The following SMC5 variants were observed in gnomAD, a reference collection of about 807,000 sequenced individuals.
The protein encoded by SMC5 is structural maintenance of chromosomes protein 5.
Under a neutral mutation model 148.3 loss-of-function variants are expected in SMC5, and 88 were observed. The observed-to-expected ratio is 0.59, with a 90% CI of 0.50 to 0.71. The LOEUF (loss-of-function observed/expected upper bound fraction) is 0.71. Among genes scored for constraint, SMC5 ranks in the 30% least tolerant of loss-of-function variants. The pLI is 0.00. For missense variants in SMC5, 1,142 were observed against 1,298.9 expected, an observed-to-expected ratio of 0.88 and a Z score of 1.86; for synonymous variants, 421 against 432.8, an observed-to-expected ratio of 0.97 and a Z score of 0.34.
intron 22 of SMC5, among the ~76,000 whole-genome samples, 163 bp from the exon 23 acceptor site, chr9:70,349,951 A>C (rs2036763651): frequency 6.6e-6 from 1 of 152,186 alleles, no homozygotes. Flanking sequence ...CTTAATATTT[A>C]TTATTTTTAA....
chr9:70,260,295 C>T (rs1587606909), intron 1 of SMC5, among the ~76,000 whole-genome samples: 1 of 152,218 alleles, frequency 6.6e-6, no homozygotes, highest in African/African-American at 2.4e-5. Context: ...TTAGTAGACT[C>T]GCGGTTTCAC....
intron 11 of SMC5, among the ~76,000 whole-genome samples, chr9:70,310,178 A>T (rs1390687944): frequency 6.6e-6 from 1 of 152,102 alleles, no homozygotes; most frequent in African/African-American, 2.4e-5. Flanking sequence ...CTTTTTGTTT[A>T]CTTTGCCCAG....
chr9:70,313,780 G>A (rs1428408217), intron 11 of SMC5, among the ~76,000 whole-genome samples: 5 of 152,124 alleles, frequency 3.3e-5, no homozygotes, highest in Admixed American at 3.3e-4. Flanking sequence ...GATTACAGGT[G>A]TAAGCCACAG....
intron 17 of SMC5, among the ~76,000 whole-genome samples, chr9:70,334,425 A>G (rs1170747978): frequency 6.6e-6 from 1 of 152,220 alleles, no homozygotes; most frequent in African/African-American, 2.4e-5. Flanking sequence ...ATCAAAATGA[A>G]CAACTTTTGT....
intron 3 of SMC5, among the ~76,000 whole-genome samples, chr9:70,270,440 T>C (rs1317000976): frequency 6.6e-6 from 1 of 152,100 alleles, no homozygotes; most frequent in Non-Finnish European, 1.5e-5. Context: ...TCTCTAGCCC[T>C]GCTTCCCTTC....
chr9:70,273,261 T>A (rs2034500197), intron 3 of SMC5, among the ~76,000 whole-genome samples: 1 of 151,880 alleles, frequency 6.6e-6, no homozygotes, highest in African/African-American at 2.4e-5. Context: ...AGTAATCGGT[T>A]GCTTAGATTT....
Position 70,338,536 on chromosome 9 carries a change from G to A in SMC5, c.2398-5608G>A, listed in dbSNP as rs2036427118. Among the ~76,000 whole-genome samples, 5 of 151,754 alleles carry A rather than the reference G, an allele frequency of 3.3e-5. No individual in the cohort carries two copies. In the South Asian group the frequency reaches 1.0e-3, roughly 32 times the overall value. On this transcript the variant is annotated intron_variant, in intron 17 of 24. Coordinates refer to ENST00000361138, the MANE Select transcript of SMC5 (RefSeq NM_015110.4). ...GTTTAACTGCCAGAAAAAAAAAATTGTGCTGATTTTTATATTCTGCTGCAG... is the reference window on the plus strand; with the variant it reads ...GTTTAACTGCCAGAAAAAAAAAATTATGCTGATTTTTATATTCTGCTGCAG...
At chr9:70,318,135 C>G (rs1587686717) in intron 13 of SMC5, among the ~76,000 whole-genome samples, 2 of 152,168 alleles carry the variant, frequency 1.3e-5, no homozygotes, top group East Asian at 3.9e-4. Context: ...GTAATCCCAG[C>G]ACTTTGGAAG....
chr9:70,324,493 A>C (rs1323219288), intron 17 of SMC5, among the ~76,000 whole-genome samples: 2 of 152,304 alleles, frequency 1.3e-5, no homozygotes, highest in Admixed American at 1.3e-4. Flanking sequence ...ATCTTTTCCC[A>C]AAAACAGAAG....
Position 70,324,052 on chromosome 9 carries a change from A to G in SMC5, c.2306A>G (p.Asp769Gly). ...ICTSLHIQKV[D>G]LILQNTTVIS... Reference sequence around the variant, plus strand: ...ACTTCTTTGCATATACAAAAAGTAGATTTAATTCTCCAAAATACTACAGTG... The same window carrying G: ...ACTTCTTTGCATATACAAAAAGTAGGTTTAATTCTCCAAAATACTACAGTG... The change falls in exon 17 of 25, where the codon GAT (aspartate) becomes GGT (glycine). Residue 769 changes from aspartate (D) to glycine (G), a missense_variant. Physicochemically the swap from Asp to Gly is moderately conservative, Grantham distance 94. Transcript: ENST00000361138. The G allele has an allele frequency of 6.3e-7, 1 of 1,587,020 alleles. No homozygotes were observed. Among genetic ancestry groups the G allele is most frequent in the Non-Finnish European group, 8.5e-7 (1 of 1,172,802 alleles).
At chr9:70,347,045 G>T in intron 19 of SMC5, 21 bp from the exon 20 acceptor site, 1 of 1,577,962 alleles carries the variant, frequency 6.3e-7, no homozygotes, top group South Asian at 1.1e-5. Context: ...TATCTATAAT[G>T]ACGGGCAATT....
At position 70,344,488 on chromosome 9, in the gene SMC5, G is replaced by C. The variant is rs768308932; in HGVS notation, c.2523+219G>C. On this transcript the variant is annotated intron_variant, in intron 18 of 24. Coordinates refer to ENST00000361138, the MANE Select transcript of SMC5 (RefSeq NM_015110.4). ...TAACATTTATTCTTCCAATACAAAT[G>C]CCTTTTAATGGGTACAGTTGGAACA... The C allele has an allele frequency of 3.0e-4, 61 of 201,540 alleles. 1 individual carries two copies. Among genetic ancestry groups the C allele is most frequent in the Middle Eastern group, 2.0e-3 (1 of 512 alleles). The allele number at this position is 201,540 out of a possible 1,614,324, so 12.5% of individuals were successfully genotyped here.
At chr9:70,300,675 C>G (rs1445950648) in intron 10 of SMC5, among the ~76,000 whole-genome samples, 1 of 151,978 alleles carries the variant, frequency 6.6e-6, no homozygotes, top group Non-Finnish European at 1.5e-5. Context: ...ATTTTGATAG[C>G]TTTTGTTGAT....
chr9:70,347,742 T>G, intron 21 of SMC5, 25 bp downstream of exon 21: 1 of 1,398,514 alleles, frequency 7.2e-7, no homozygotes, highest in Non-Finnish European at 9.8e-7. Flanking sequence ...TTTAATCTTT[T>G]TATCATGTGA....
chr9:70,263,608 T>C (rs765524597), intron 1 of SMC5, among the ~76,000 whole-genome samples: 3 of 152,204 alleles, frequency 2.0e-5, no homozygotes, highest in African/African-American at 7.2e-5. Context: ...CCCTAGCAAC[T>C]AATAAAGATT....
rs1004456640 is a variant in SMC5 at position 70,305,236 on chromosome 9, T to C, written c.1465-11T>C. The stretch of plus-strand genomic sequence containing the variant: ...TCATGAAATTCGACCTTTTTTTGCT[T>C]GTTTGTTTAGATCAATATGAAAGAT... On this transcript the variant is annotated splice_polypyrimidine_tract_variant and intron_variant, in intron 10 of 24. Coordinates refer to ENST00000361138, the MANE Select transcript of SMC5 (RefSeq NM_015110.4). The C allele has an allele frequency of 6.8e-6, 9 of 1,315,672 alleles. No homozygotes were observed. In the South Asian group the frequency reaches 9.0e-5, roughly 13 times the overall value. The allele number at this position is 1,315,672 out of a possible 1,614,324, so 81.5% of individuals were successfully genotyped here. A position where few individuals can be genotyped will look rare whatever the true frequency, so the allele number is the denominator to read the frequency against.
intron 17 of SMC5, among the ~76,000 whole-genome samples, chr9:70,329,433 T>G (rs2036167123): frequency 6.6e-6 from 1 of 152,190 alleles, no homozygotes. Context: ...ATCGTCTCTC[T>G]CAAGTTCAGA....
At chr9:70,270,937 A>G (rs2034432628) in intron 3 of SMC5, among the ~76,000 whole-genome samples, 2 of 152,042 alleles carry the variant, frequency 1.3e-5, no homozygotes, top group Non-Finnish European at 2.9e-5. Context: ...GTGAGCCACC[A>G]TACCCGGCCT....
In SMC5 at chr9:70,259,020, G is replaced by T; in HGVS notation, c.-59G>T. ...GGCGCCTGGGTGGATGGGCGCTTGG[G>T]CGCCTGGGCTGCCGGACGGTGGGAA... On this transcript the variant is annotated 5_prime_UTR_variant, in exon 1 of 25. Coordinates refer to ENST00000361138, the MANE Select transcript of SMC5 (RefSeq NM_015110.4). 6.6e-7 allele frequency: 1 copy of T among 1,510,338 alleles called. No individual in the cohort carries two copies. Among genetic ancestry groups the T allele is most frequent in the Non-Finnish European group, 8.9e-7 (1 of 1,128,388 alleles). The allele number at this position is 1,510,338 out of a possible 1,614,324, so 93.6% of individuals were successfully genotyped here.
Sources: gnomAD v4.1 joint callset for allele counts (sites outside exome capture counted in the v4.1 genomes callset) on GRCh38, gnomAD v4.1.1 for gene constraint, MANE v1.5 for transcripts, NCBI Gene and HGNC (gene_info 2026-07-23, HGNC 2026-07-21) for gene names.